Variants in WDTC1 observed in about 807,000 individuals in gnomAD.
WDTC1 encodes the protein WD and tetratricopeptide repeats protein 1.
In WDTC1, 12 loss-of-function variants were observed where a neutral mutation model predicts 76.0. The ratio of observed to expected loss-of-function variants is 0.16; its 90% CI spans 0.10 to 0.26. The LOEUF is 0.26. Ranked by LOEUF, WDTC1 falls within the 10% of genes least tolerant of loss-of-function variation. The pLI is 1.00. For missense variants in WDTC1, 511 were observed against 908.8 expected (o/e 0.56, Z 5.63); for synonymous variants, 326 against 350.8 (o/e 0.93, Z 0.79).
intron 5 of WDTC1, among the ~76,000 whole-genome samples, chr1:27,286,196 T>A (rs1439318497): frequency 6.6e-6 from 1 of 151,464 alleles, no homozygotes; most frequent in African/African-American, 2.4e-5. Flanking sequence ...AAAGACGGGG[T>A]TTCACCATGT....
Position 27,298,015 on chromosome 1 carries a change from C to T in WDTC1, c.1136C>T (p.Thr379Ile). The change falls in exon 12 of 16, where the codon ACC (threonine) becomes ATC (isoleucine). Residue 379 changes from threonine to isoleucine, a missense_variant. Transcript: ENST00000319394. Reference sequence around the variant, plus strand: ...GAGGCTTTTGCCTGCCAGCAGTGGACCCAAGCCATTCAGCTTTACAGCAAG... The same window carrying T: ...GAGGCTTTTGCCTGCCAGCAGTGGATCCAAGCCATTCAGCTTTACAGCAAG... Reference protein sequence around the residue: ...ANEAFACQQWTQAIQLYSKAV... With the variant: ...ANEAFACQQWIQAIQLYSKAV... The T allele has an allele frequency of 6.2e-7, 1 of 1,614,162 alleles. No individual in the cohort carries two copies. The highest frequency in any genetic ancestry group is 8.5e-7 in the Non-Finnish European group (1 of 1,179,984).
At chr1:27,256,957 A>G (rs1468486725) in intron 1 of WDTC1, among the ~76,000 whole-genome samples, 2 of 152,006 alleles carry the variant, frequency 1.3e-5, no homozygotes, top group Non-Finnish European at 2.9e-5. Flanking sequence ...CGTCTCCCGG[A>G]TTCACTGCCA....
chr1:27,242,284 A>G (rs2011651848), intron 1 of WDTC1, among the ~76,000 whole-genome samples: 1 of 152,072 alleles, frequency 6.6e-6, no homozygotes, highest in African/African-American at 2.4e-5. Context: ...GGGCAAAATG[A>G]TGAGACCCCC....
At chr1:27,304,917 C>T (rs2013916059) in intron 14 of WDTC1, 84 bp from the exon 15 acceptor site, 1 of 1,400,154 alleles carries the variant, frequency 7.1e-7, no homozygotes, top group Non-Finnish European at 9.6e-7. Flanking sequence ...TCCTTGCTCC[C>T]CCTTTACCTA....
intron 6 of WDTC1, 56 bp from the exon 7 acceptor site, chr1:27,292,159 T>G (rs2013551514): frequency 7.0e-7 from 1 of 1,422,836 alleles, no homozygotes; most frequent in Non-Finnish European, 9.3e-7. Flanking sequence ...TCTTTTCCCC[T>G]GCCTTCCTCT....
Position 27,298,084 on chromosome 1 carries a change from G to T in WDTC1, c.1205G>T (p.Arg402Leu). ...CACAATGCCATGCTTTATGGAAACC[G>T]AGCAGCAGCCTACATGAAGCGCAAG... ...APHNAMLYGN[R>L]AAAYMKRKWD... The change falls in exon 12 of 16, where the codon CGA becomes CTA. Residue 402 changes from arginine (R) to leucine (L), a missense_variant. Coordinates refer to ENST00000319394, the MANE Select transcript of WDTC1 (RefSeq NM_001276252.2). The T allele has an allele frequency of 6.2e-7, 1 of 1,612,318 alleles. No individual in the cohort carries two copies. The highest frequency in any genetic ancestry group is 8.5e-7 in the Non-Finnish European group (1 of 1,178,902).
chr1:27,301,498 T>C lies in WDTC1; in HGVS notation c.1468+37T>C. ...CTGAGGAGGGGGTGCTGTTACTCTT[T>C]CTCTTTGAGATGCTGCATGACATTC... On this transcript the variant is annotated intron_variant, in intron 13 of 15. Transcript: ENST00000319394. This position sits in a 1 kb window ranked among gnomAD's most constrained non-coding sequence, Gnocchi z 5.8. 1 of 1,597,196 alleles carries C rather than the reference T, an allele frequency of 6.3e-7. No individual in the cohort carries two copies.
intron 1 of WDTC1, among the ~76,000 whole-genome samples, chr1:27,251,540 C>A (rs1035376614): frequency 6.6e-6 from 1 of 152,050 alleles, no homozygotes; most frequent in Non-Finnish European, 1.5e-5. Context: ...ACCTTTGGGC[C>A]GGAGCACAGT....
intron 3 of WDTC1, among the ~76,000 whole-genome samples, chr1:27,271,984 T>G (rs1203326471): frequency 6.8e-6 from 1 of 146,514 alleles, no homozygotes; most frequent in East Asian, 2.2e-4. Flanking sequence ...GGTGGCTCAC[T>G]CCTGTAATCC....
At chr1:27,235,031 C>A (rs1416500905) in intron 1 of WDTC1, 80 bp downstream of exon 1, 1 of 360,940 alleles carries the variant, frequency 2.8e-6, no homozygotes, top group African/African-American at 2.1e-5. Flanking sequence ...AACGGGCCGC[C>A]CGCTCTGGGC....
intron 1 of WDTC1, among the ~76,000 whole-genome samples, chr1:27,237,589 C>A (rs2011516521): frequency 6.6e-6 from 1 of 152,114 alleles, no homozygotes; most frequent in Non-Finnish European, 1.5e-5. Flanking sequence ...GTGGCTCACG[C>A]CTGTAATCCC....
intron 3 of WDTC1, among the ~76,000 whole-genome samples, chr1:27,266,438 AGTT>A (rs1350384662): frequency 6.6e-6 from 1 of 152,214 alleles, no homozygotes; most frequent in Non-Finnish European, 1.5e-5. Context: ...AACTTGGAGA[AGTT>A]GTTTAACTTC....
Position 27,258,036 on chromosome 1 carries a change from G to A in WDTC1, c.-99-2920G>A, listed in dbSNP as rs1006913428. Reference sequence around the variant, plus strand: ...AAACTCCTGACCTCGTGATCCGCCCGCCTCGGCCTCCCAAAGTGCTGAGAT... The same window carrying A: ...AAACTCCTGACCTCGTGATCCGCCCACCTCGGCCTCCCAAAGTGCTGAGAT... On this transcript the variant is annotated intron_variant, in intron 1 of 15. Transcript: ENST00000319394. 4.0e-5 allele frequency among the ~76,000 whole-genome samples: 6 copies of A among 151,530 alleles called. No homozygotes were observed. The South Asian group carries it at 6.3e-4, about 16-fold the overall frequency.
intron 6 of WDTC1, among the ~76,000 whole-genome samples, chr1:27,288,977 G>A (rs1160407833): frequency 1.6e-4 from 13 of 81,514 alleles, no homozygotes; most frequent in Non-Finnish European, 3.9e-4. Context: ...GCCGGGCGGG[G>A]GGCTGACCCC....
chr1:27,285,618 TTTTC>T (rs1381766671), intron 5 of WDTC1, among the ~76,000 whole-genome samples: 8 of 152,016 alleles, frequency 5.3e-5, no homozygotes, highest in Admixed American at 2.0e-4. Flanking sequence ...TTCTTGTTTC[TTTTC>T]TTTTTTTTTT....
Position 27,297,159 on chromosome 1 carries a change from G to A in WDTC1, c.1058+3G>A. The A allele has an allele frequency of 6.3e-7, 1 of 1,597,540 alleles. No homozygotes were observed. Among genetic ancestry groups the A allele is most frequent in the Non-Finnish European group, 8.5e-7 (1 of 1,171,592 alleles). ...CCGGAGAGTAGGGGACATGTCAGGT[G>A]AGGCCAGCTGGCTTGTCCAGCCCTC... On this transcript the variant is annotated splice_donor_region_variant and intron_variant, in intron 11 of 15. Coordinates refer to ENST00000319394, the MANE Select transcript of WDTC1 (RefSeq NM_001276252.2).
intron 1 of WDTC1, among the ~76,000 whole-genome samples, chr1:27,256,931 G>A (rs928703232): frequency 6.6e-6 from 1 of 152,106 alleles, no homozygotes; most frequent in Non-Finnish European, 1.5e-5. Context: ...GCACGATCTC[G>A]TCTCACTGCA....
chr1:27,276,155 T>C (rs1258067622), intron 3 of WDTC1, among the ~76,000 whole-genome samples: 1 of 152,246 alleles, frequency 6.6e-6, no homozygotes, highest in African/African-American at 2.4e-5. Context: ...TTTCTATTTT[T>C]TGGCTATTAT....
intron 3 of WDTC1, among the ~76,000 whole-genome samples, chr1:27,266,771 G>A (rs1324063616): frequency 6.6e-6 from 1 of 152,194 alleles, no homozygotes; most frequent in Non-Finnish European, 1.5e-5. Context: ...GGTGATTAGT[G>A]GGAGGTAAGG....
Sources: gnomAD v4.1 joint callset for allele counts (sites outside exome capture counted in the v4.1 genomes callset) on GRCh38, gnomAD v4.1.1 for gene constraint, Gnocchi (gnomAD v3.1) non-coding constraint, MANE v1.5 for transcripts, NCBI Gene and HGNC (gene_info 2026-07-23, HGNC 2026-07-21) for gene names.